USP49: variants seen among roughly 807,000 people sequenced by gnomAD.
The protein encoded by USP49 is ubiquitin carboxyl-terminal hydrolase 49.
USP49 carries 24 observed loss-of-function variants against 58.6 expected under a neutral mutation model. The observed-to-expected ratio is 0.41, with a 90% CI of 0.30 to 0.58. The LOEUF is 0.58. Among genes scored for constraint, USP49 ranks in the 20% least tolerant of loss-of-function variants. USP49 has a pLI of 0.30. For missense variants in USP49, 703 were observed against 866.1 expected, an observed-to-expected ratio of 0.81 and a Z score of 2.36; for synonymous variants, 408 against 365.1, an observed-to-expected ratio of 1.12 and a Z score of -1.34.
chr6:41,812,237 G>T (rs1189183049), intron 3 of USP49, among the ~76,000 whole-genome samples: 1 of 151,722 alleles, frequency 6.6e-6, no homozygotes, highest in Non-Finnish European at 1.5e-5. Context: ...GCGCCACCAC[G>T]CCCGGCTAAT....
At chr6:41,893,050 CCTT>C (rs1483035862) in intron 1 of USP49, among the ~76,000 whole-genome samples, 1 of 152,128 alleles carries the variant, frequency 6.6e-6, no homozygotes. Flanking sequence ...ATTAATCTGG[CCTT>C]CTTTATTCAT....
chr6:41,869,817 T>C (rs1166763541), intron 3 of USP49: 1 of 152,108 alleles, frequency 6.6e-6, no homozygotes, highest in Non-Finnish European at 1.5e-5. Flanking sequence ...AACAAAAGAA[T>C]TGTGTAGCCT....
chr6:41,858,517 C>G (rs1774168491), intron 3 of USP49, among the ~76,000 whole-genome samples: 1 of 152,138 alleles, frequency 6.6e-6, no homozygotes, highest in Non-Finnish European at 1.5e-5. Context: ...CAATCAGGCC[C>G]TAGATGCTAA....
chr6:41,847,438 C>T (rs770552773), intron 3 of USP49, among the ~76,000 whole-genome samples: 10 of 152,080 alleles, frequency 6.6e-5, no homozygotes, highest in East Asian at 1.9e-4. Context: ...TAGAGTCAGC[C>T]GGGTGCAGTG....
chr6:41,879,613 T>C (rs2127362466), intron 2 of USP49, among the ~76,000 whole-genome samples: 1 of 152,280 alleles, frequency 6.6e-6, no homozygotes, highest in East Asian at 1.9e-4. Context: ...GATGGGAGGT[T>C]TGTTCTCTGG....
Position 41,799,811 on chromosome 6 carries a change from A to T in USP49, c.1670+19T>A. ...TTCCCACAGCTCTCACCCAGCTGGG[A>T]CTCCCACAGCAAGCTCACCTGAATC... On this transcript the variant is annotated intron_variant, in intron 6 of 7. Coordinates refer to ENST00000682992, the MANE Select transcript of USP49 (RefSeq NM_001286554.2). 1 of 1,604,640 alleles carries T rather than the reference A, an allele frequency of 6.2e-7. No homozygotes were observed. Among genetic ancestry groups the T allele is most frequent in the African/African-American group, 1.3e-5 (1 of 74,766 alleles).
intron 3 of USP49, among the ~76,000 whole-genome samples, chr6:41,824,430 G>A (rs942556426): frequency 2.0e-5 from 3 of 151,194 alleles, no homozygotes; most frequent in Non-Finnish European, 2.9e-5. Context: ...ACATAGCATC[G>A]CCGGGCACAG....
intron 3 of USP49, among the ~76,000 whole-genome samples, chr6:41,863,879 C>T (rs1285604468): frequency 6.6e-6 from 1 of 151,982 alleles, no homozygotes; most frequent in African/African-American, 2.4e-5. Flanking sequence ...CACCTCAGCC[C>T]TTGGAACAGC....
intron 2 of USP49, among the ~76,000 whole-genome samples, chr6:41,879,203 T>C (rs1264162280): frequency 3.3e-5 from 5 of 152,174 alleles, no homozygotes; most frequent in Non-Finnish European, 1.5e-5. Flanking sequence ...GAGACCAGCC[T>C]GGCTAACATA....
At chr6:41,880,448 C>G (rs1774583726) in intron 2 of USP49, among the ~76,000 whole-genome samples, 1 of 152,064 alleles carries the variant, frequency 6.6e-6, no homozygotes, top group African/African-American at 2.4e-5. Context: ...CTCCAAGCGT[C>G]CAGCATAACA....
chr6:41,794,551 G>T lies in USP49; in HGVS notation c.*1982C>A, dbSNP rs1338378083. 6.6e-6 allele frequency: 1 copy of T among 151,780 alleles called. No individual in the cohort carries two copies. Among genetic ancestry groups the T allele is most frequent in the Non-Finnish European group, 1.5e-5 (1 of 67,962 alleles). 9.4% of individuals were successfully genotyped at this position (151,780 alleles called of 1,614,324 possible). On this transcript the variant is annotated 3_prime_UTR_variant, in exon 8 of 8. Transcript: ENST00000682992. ...CCTTTTTACTCTCCTTGGTTTTTTT[G>T]AGTTAATGGGCTTTTCTATTGCCAC...
chr6:41,842,662 G>A (rs994541393), intron 3 of USP49, among the ~76,000 whole-genome samples: 3 of 151,962 alleles, frequency 2.0e-5, no homozygotes, highest in Admixed American at 6.6e-5. Context: ...TTAATTATGA[G>A]GTAAGACTTC....
chr6:41,813,208 C>A (rs1265341650), intron 3 of USP49, among the ~76,000 whole-genome samples: 1 of 152,112 alleles, frequency 6.6e-6, no homozygotes, highest in Non-Finnish European at 1.5e-5. Context: ...TTTTTGTGTC[C>A]TTTCCTTCGA....
At chr6:41,799,736 C>T (rs1772961281) in intron 6 of USP49, 94 bp downstream of exon 6, 1 of 1,128,832 alleles carries the variant, frequency 8.9e-7, no homozygotes, top group African/African-American at 1.5e-5. Context: ...GGCTTCCCCT[C>T]CCAACACCAT....
At chr6:41,893,510 A>G (rs1774842295) in intron 1 of USP49, among the ~76,000 whole-genome samples, 1 of 151,990 alleles carries the variant, frequency 6.6e-6, no homozygotes, top group Non-Finnish European at 1.5e-5. Context: ...AATGCTGTCC[A>G]TAAAACACAG....
rs536492347 is a variant in USP49 at position 41,812,583 on chromosome 6, C to G, written c.-28-5572G>C. Among the ~76,000 whole-genome samples the G allele has an allele frequency of 2.6e-5, 4 of 152,038 alleles. No individual in the cohort carries two copies. In the East Asian group the frequency reaches 7.9e-4, roughly 30 times the overall value. On this transcript the variant is annotated intron_variant, in intron 3 of 7. Coordinates refer to ENST00000682992, the MANE Select transcript of USP49 (RefSeq NM_001286554.2). ...TGGCGGGCGCCTGTAGTCCCAGCTA[C>G]TTGGGAGGCTGAGGCAGGAGAATGG...
intron 3 of USP49, among the ~76,000 whole-genome samples, chr6:41,821,300 C>T (rs1773448866): frequency 6.6e-6 from 1 of 152,180 alleles, no homozygotes; most frequent in Non-Finnish European, 1.5e-5. Context: ...CCCCCAACCC[C>T]ACCACCCTAC....
chr6:41,799,207 G>T (rs1772949982), intron 6 of USP49, among the ~76,000 whole-genome samples: 1 of 152,014 alleles, frequency 6.6e-6, no homozygotes. Flanking sequence ...CCGAGCTCAG[G>T]TGATCCCCCC....
At chr6:41,859,858 TAA>T (rs1774190462) in intron 3 of USP49, among the ~76,000 whole-genome samples, 1 of 152,100 alleles carries the variant, frequency 6.6e-6, no homozygotes, top group Non-Finnish European at 1.5e-5. Flanking sequence ...GCAGTTGCAG[TAA>T]AATAAACTAG....
Sources: gnomAD v4.1 joint callset for allele counts (sites outside exome capture counted in the v4.1 genomes callset) on GRCh38, gnomAD v4.1.1 for gene constraint, MANE v1.5 for transcripts, NCBI Gene and HGNC (gene_info 2026-07-23, HGNC 2026-07-21) for gene names.